The following PLCB2 variants were observed in gnomAD, a reference collection of about 807,000 sequenced individuals.
PLCB2 encodes the protein phospholipase C beta 2, also known as 1-phosphatidylinositol 4,5-bisphosphate phosphodiesterase beta-2.
PLCB2 carries 115 observed loss-of-function variants against 141.7 expected under a neutral mutation model. That is an observed-to-expected ratio of 0.81 (90% confidence interval 0.70 to 0.95). The LOEUF (loss-of-function observed/expected upper bound fraction) is 0.95, where lower values mean the gene tolerates loss of function less well. Ranked by LOEUF, PLCB2 falls within the 40% of genes least tolerant of loss-of-function variation. The pLI, the probability that PLCB2 is intolerant of heterozygous loss-of-function variation, is 0.00. For synonymous variants in PLCB2, 603 were observed against 595.6 expected (o/e 1.01, Z -0.18); for missense variants, 1,403 against 1,541.1 (o/e 0.91, Z 1.50).
At chr15:40,307,445 C>T (rs2040853546) in intron 1 of PLCB2, 144 bp downstream of exon 1, 3 of 512,868 alleles carry the variant, frequency 5.8e-6, no homozygotes, top group African/African-American at 2.0e-5. Flanking sequence ...TTTATCCAAG[C>T]AGTGGTGTCA....
intron 7 of PLCB2, among the ~76,000 whole-genome samples, chr15:40,299,451 C>T (rs1164724229): frequency 2.0e-5 from 3 of 152,254 alleles, no homozygotes; most frequent in African/African-American, 7.2e-5. Context: ...AGTGGCTATT[C>T]CATTGGCTGG....
rs373862846 is a variant in PLCB2, at chr15:40,289,326, C to T, written c.3300G>A (p.Lys1100=). 1.9e-6 allele frequency: 3 copies of T among 1,614,022 alleles called. No individual in the cohort carries two copies. In the African/African-American group the frequency reaches 4.0e-5, roughly 22 times the overall value. ...GGCAAGCCGCCTGCTTCTCCTCCAG[C>T]TTCTCCTGGTGCCTCTCCAAGTTCT... The part of the protein sequence containing the change: ...MTENLERHQE[K]LEEKQAACLE... Residue 1100 remains lysine, a synonymous_variant, in exon 31 of 32, where the codon AAG becomes AAA. Coordinates refer to ENST00000260402, the MANE Select transcript of PLCB2 (RefSeq NM_004573.3).
Position 40,292,461 on chromosome 15 carries a change from G to C in PLCB2, c.2327-18C>G, listed in dbSNP as rs2039992205. ...GTGGTACCCTGTGAGACAGGACAGG[G>C]TAGGCAGTGAGCCAGAGCCCGTTCC... On this transcript the variant is annotated intron_variant, in intron 21 of 31. Transcript: ENST00000260402. The C allele has an allele frequency of 6.3e-7, 1 of 1,583,076 alleles. No homozygotes were observed. The highest frequency in any genetic ancestry group is 1.7e-5 in the Admixed American group (1 of 59,532).
chr15:40,286,669 C>A (rs1329656967), downstream of PLCB2, among the ~76,000 whole-genome samples: 4 of 152,180 alleles, frequency 2.6e-5, no homozygotes, highest in African/African-American at 7.2e-5. Flanking sequence ...CCCCAGTACC[C>A]CAAGGGAAGG....
chr15:40,301,126 A>G (rs909807018), intron 7 of PLCB2: 3 of 168,864 alleles, frequency 1.8e-5, no homozygotes, highest in Non-Finnish European at 2.6e-5. Flanking sequence ...GACTGCATCA[A>G]GGAGTCACCA....
intron 16 of PLCB2, among the ~76,000 whole-genome samples, chr15:40,295,707 G>A (rs2040173456): frequency 6.6e-6 from 1 of 152,172 alleles, no homozygotes; most frequent in Non-Finnish European, 1.5e-5. Flanking sequence ...ATTAACTGTA[G>A]TACATGCCAT....
chr15:40,296,437 G>T (rs752573861), intron 15 of PLCB2, 45 bp from the exon 16 acceptor site: 3 of 1,613,406 alleles, frequency 1.9e-6, no homozygotes, highest in Non-Finnish European at 2.5e-6. Context: ...ATGGTGCAGA[G>T]CCCAGGAATG....
In PLCB2 at chr15:40,289,948, AGAGAGAGAGAGAGAGAGAGAGT is replaced by A. The variant is rs1287199416; in HGVS notation, c.3267+55_3267+76del. The stretch of plus-strand genomic sequence containing the variant: ...TGTGAAGAGAGAGAGAGAGAGAGAG[AGAGAGAGAGAGAGAGAGAGAGT>A]GTGTGTGTGTGTGTGTGTGTGTGTG... On this transcript the variant is annotated intron_variant, in intron 30 of 31. Transcript: ENST00000260402. The A allele has an allele frequency of 5.3e-3, 1,798 of 339,170 alleles. 5 individuals are homozygous for A. Among genetic ancestry groups the A allele is most frequent in the African/African-American group, 0.02 (835 of 41,890 alleles). 21.0% of individuals were successfully genotyped at this position (339,170 alleles called of 1,614,324 possible).
Position 40,298,683 on chromosome 15 carries a change from G to A in PLCB2, c.876C>T (p.Val292=). The A allele has an allele frequency of 6.2e-7, 1 of 1,614,218 alleles. No individual in the cohort carries two copies. Among genetic ancestry groups the A allele is most frequent in the African/African-American group, 1.3e-5 (1 of 75,060 alleles). The change falls in exon 10 of 32, where the codon GTC becomes GTT. Residue 292 remains valine (V), a synonymous_variant. Transcript: ENST00000260402. ...QRGQLSPEGM[V]WFLCGPENSV... is the part of the protein sequence containing the mutation. ...TGTTCTCTGGCCCACAGAGAAACCAGACCATGCCTTCAGGTGACAGCTGGC... is the reference window on the plus strand; with the variant it reads ...TGTTCTCTGGCCCACAGAGAAACCAAACCATGCCTTCAGGTGACAGCTGGC...
At chr15:40,284,398 C>T (rs1014118863), downstream of PLCB2, 7 of 397,188 alleles carry the variant, frequency 1.8e-5, no homozygotes, top group African/African-American at 1.5e-4. Context: ...AAAAAATGGA[C>T]GTTGTCACCT....
At chr15:40,284,742 A>T (rs1005819211), downstream of PLCB2, among the ~76,000 whole-genome samples, 4 of 146,930 alleles carry the variant, frequency 2.7e-5, no homozygotes, top group Non-Finnish European at 6.0e-5. Flanking sequence ...TGGGAGGCTG[A>T]CGCAGGAGAA....
downstream of PLCB2, among the ~76,000 whole-genome samples, chr15:40,284,833 C>T (rs1458666106): frequency 1.4e-4 from 7 of 48,928 alleles, no homozygotes; most frequent in African/African-American, 1.8e-4. Context: ...AGTGAGACTC[C>T]GTCAAAAAAA....
At position 40,294,288 on chromosome 15, in the gene PLCB2, A is replaced by C. The variant is rs750607884; in HGVS notation, c.2039T>G (p.Val680Gly). The C allele has an allele frequency of 2.4e-5, 38 of 1,612,944 alleles. No individual in the cohort carries two copies. The highest frequency in any genetic ancestry group is 3.2e-5 in the Non-Finnish European group (38 of 1,179,404). Residue 680 changes from valine (V) to glycine (G), a missense_variant, in exon 19 of 32, where the codon GTG (valine) becomes GGG (glycine). Physicochemically the swap from Val to Gly is moderately radical, Grantham distance 109. Coordinates refer to ENST00000260402, the MANE Select transcript of PLCB2 (RefSeq NM_004573.3). ...TGCCGTAATGGAAAGGGTGGTGGCC[A>C]CCACCACGTCGATGCGGTCCACTGA... is the stretch of plus-strand genomic sequence containing the variant. ...PFSVDRIDVV[V>G]ATTLSITVIS...
At chr15:40,291,741 A>T in intron 24 of PLCB2, 91 bp from the exon 25 acceptor site, 1 of 1,602,836 alleles carries the variant, frequency 6.2e-7, no homozygotes, top group African/African-American at 1.3e-5. Context: ...GAGTCGCAGT[A>T]TGTGCCCCCT....
chr15:40,296,892 G>A lies in PLCB2; in HGVS notation c.1340C>T (p.Pro447Leu). Residue 447 changes from proline (P) to leucine (L), a missense_variant, in exon 14 of 32, where the codon CCC (proline) becomes CTC (leucine). By Grantham distance (98) the Pro-to-Leu change is moderately conservative. Coordinates refer to ENST00000260402, the MANE Select transcript of PLCB2 (RefSeq NM_004573.3). ...LEKFPLKPGV[P>L]LPSPEDLRGK... Reference sequence around the variant, plus strand: ...CCTGAGATCCTCAGGGCTGGGCAGGGGGACACCTGGTTTTAGCTATGGAGT... The same window carrying A: ...CCTGAGATCCTCAGGGCTGGGCAGGAGGACACCTGGTTTTAGCTATGGAGT... The A allele has an allele frequency of 1.2e-6, 2 of 1,613,978 alleles. No homozygotes were observed. Among genetic ancestry groups the A allele is most frequent in the Non-Finnish European group, 1.7e-6 (2 of 1,179,966 alleles).
chr15:40,288,103 C>A lies in PLCB2; in HGVS notation c.*612G>T. ...GGAACAGCACCCAAGAGCCCACTGC[C>A]CCTTGTGACTCAGCCAAGCAGGGCC... is the stretch of plus-strand genomic sequence containing the variant. On this transcript the variant is annotated 3_prime_UTR_variant, in exon 32 of 32. Coordinates refer to ENST00000260402, the MANE Select transcript of PLCB2 (RefSeq NM_004573.3). 1 of 985,488 alleles carries A rather than the reference C, an allele frequency of 1.0e-6. No individual in the cohort carries two copies. The highest frequency in any genetic ancestry group is 1.2e-6 in the Non-Finnish European group (1 of 829,970). 61.0% of individuals were successfully genotyped at this position (985,488 alleles called of 1,614,324 possible).
intron 29 of PLCB2, 39 bp downstream of exon 29, chr15:40,290,538 G>A: frequency 1.4e-6 from 2 of 1,430,050 alleles, no homozygotes; most frequent in Non-Finnish European, 2.0e-6. Context: ...CACCTGAAGT[G>A]GGGTCTGCCC....
rs780968903 is a variant in PLCB2, at chr15:40,292,023, A to G, written c.2526+41T>C. ...CCAGCCTCTCCCATAAATAGGGCTA[A>G]TCTCTGGTGAGCCCCTGGCAGCAGT... is the stretch of plus-strand genomic sequence containing the variant. On this transcript the variant is annotated intron_variant, in intron 23 of 31. Coordinates refer to ENST00000260402, the MANE Select transcript of PLCB2 (RefSeq NM_004573.3). The G allele has an allele frequency of 3.1e-6, 5 of 1,607,458 alleles. No homozygotes were observed. The African/African-American group carries it at 6.7e-5, about 21-fold the overall frequency.
chr15:40,296,722 C>T, intron 14 of PLCB2, 24 bp downstream of exon 14: 1 of 1,610,180 alleles, frequency 6.2e-7, no homozygotes, highest in Non-Finnish European at 8.5e-7. Context: ...CTAATACCCC[C>T]CACCATAGTC....
Sources: gnomAD v4.1 joint callset for allele counts (sites outside exome capture counted in the v4.1 genomes callset) on GRCh38, gnomAD v4.1.1 for gene constraint, MANE v1.5 for transcripts, NCBI Gene and HGNC (gene_info 2026-07-23, HGNC 2026-07-21) for gene names.